Variants in LRP2 observed in about 807,000 individuals in gnomAD.
The protein encoded by LRP2 is LDL receptor related protein 2.
Under a neutral mutation model 531.0 loss-of-function variants are expected in LRP2, and 172 were observed. That is an observed-to-expected ratio of 0.32 (90% CI 0.29 to 0.37). LRP2 has a LOEUF of 0.37. LRP2 is among the 10% of genes least tolerant of loss of function. The pLI is 1.00. For missense variants in LRP2, 5,167 were observed against 5,868.3 expected (o/e 0.88, Z 3.90); for synonymous variants, 1,992 against 2,027.6 (o/e 0.98, Z 0.47).
intron 4 of LRP2, among the ~76,000 whole-genome samples, chr2:169,297,074 C>T (rs1684151316): frequency 6.6e-6 from 1 of 152,178 alleles, no homozygotes; most frequent in South Asian, 2.1e-4. Context: ...AGCTCCCTAA[C>T]TCCACCAAAT....
rs147477304 is a variant in LRP2 at position 169,185,813 on chromosome 2, C to A, written c.9535G>T (p.Ala3179Ser). The part of the protein sequence containing the change: ...NVIGSYICKC[A>S]PGYLREPDGK... ...TCTGGTTCTCGGAGGTAGCCTGGGG[C>A]ACACTTACAGATGTAGGAGCCTATT... is the stretch of plus-strand genomic sequence containing the variant. Residue 3179 changes from alanine to serine, a missense_variant, in exon 50 of 79, where the codon GCC (alanine) becomes TCC (serine). Ala to Ser is a moderately conservative substitution (Grantham distance 99). Around this residue, in one of 6 missense-constraint regions of LRP2, gnomAD observed 1,129 missense variants for 1,362.7 expected, o/e 0.83. Transcript: ENST00000649046. 2 of 1,613,628 alleles carry A rather than the reference C, an allele frequency of 1.2e-6. No individual in the cohort carries two copies. Among genetic ancestry groups the A allele is most frequent in the Non-Finnish European group, 1.7e-6 (2 of 1,179,882 alleles).
chr2:169,344,584 T>C (rs1463739201), intron 1 of LRP2, among the ~76,000 whole-genome samples: 6 of 152,214 alleles, frequency 3.9e-5, no homozygotes, highest in Admixed American at 2.6e-4. Context: ...AAATTCCCTC[T>C]AAATAGAGCA....
In LRP2 at chr2:169,361,388, CTCTCTCTG is replaced by C. The variant is rs1686156760; in HGVS notation, c.79+925_79+932del. Among the ~76,000 whole-genome samples the C allele has an allele frequency of 7.4e-4, 104 of 140,574 alleles. 1 individual carries two copies. Among genetic ancestry groups the C allele is most frequent in the South Asian group, 3.0e-3 (13 of 4,364 alleles). The allele number at this position is 140,574 out of a possible 152,430, so 92.2% of individuals were successfully genotyped here. A position where few individuals can be genotyped will look rare whatever the true frequency, so the allele number is the denominator to read the frequency against. ...TCTCTCTCTCTCTCCCTCTCTCTCT[CTCTCTCTG>C]TCTCTCTCCTCTCTCTCCTCTCTCT... is the stretch of plus-strand genomic sequence containing the variant. On this transcript the variant is annotated intron_variant, in intron 1 of 78. Coordinates refer to ENST00000649046, the MANE Select transcript of LRP2 (RefSeq NM_004525.3).
intron 16 of LRP2, among the ~76,000 whole-genome samples, chr2:169,268,665 T>C (rs1683305596): frequency 6.6e-6 from 1 of 152,192 alleles, no homozygotes; most frequent in Admixed American, 6.5e-5. Flanking sequence ...GGACAAAAAC[T>C]GGAAGCATTC....
chr2:169,271,419 C>T (rs987322603), intron 15 of LRP2, among the ~76,000 whole-genome samples: 1 of 151,710 alleles, frequency 6.6e-6, no homozygotes, highest in African/African-American at 2.4e-5. Flanking sequence ...AATGTAATGA[C>T]GAGTTAACGG....
In LRP2 at chr2:169,176,425, G is replaced by A. The variant is rs113268518; in HGVS notation, c.10557C>T (p.Cys3519=). The change falls in exon 54 of 79, where the codon TGC becomes TGT. Residue 3519 remains cysteine, a synonymous_variant. Coordinates refer to ENST00000649046, the MANE Select transcript of LRP2 (RefSeq NM_004525.3). ...GAGAGCCTTACTTTTCATTGTTAGC[G>A]CACAGGAACTGGGTGCTGGAGCACA... is the stretch of plus-strand genomic sequence containing the variant. ...MPMCSSTQFL[C]ANNEKCIPIW... 5.5e-5 allele frequency: 89 copies of A among 1,614,160 alleles called. No individual in the cohort carries two copies. In the Middle Eastern group the frequency reaches 1.3e-3, roughly 24 times the overall value.
At chr2:169,350,306 G>T (rs377419623) in intron 1 of LRP2, among the ~76,000 whole-genome samples, 4 of 152,190 alleles carry the variant, frequency 2.6e-5, no homozygotes, top group African/African-American at 9.7e-5. Flanking sequence ...CTATTGGCCA[G>T]CCAGGTGGAC....
At chr2:169,234,512 T>C (rs933442733) in intron 29 of LRP2, among the ~76,000 whole-genome samples, 8 of 152,264 alleles carry the variant, frequency 5.3e-5, no homozygotes, top group African/African-American at 1.9e-4. Context: ...GTCCATGATG[T>C]ATATGTCTAT....
intron 3 of LRP2, among the ~76,000 whole-genome samples, chr2:169,311,900 T>A (rs1251974377): frequency 6.6e-6 from 1 of 152,212 alleles, no homozygotes; most frequent in Non-Finnish European, 1.5e-5. Context: ...TGGGTGCATA[T>A]ATATTTAGGA....
At chr2:169,225,216 T>G (rs1403496387) in intron 33 of LRP2, 94 bp downstream of exon 33, 1 of 1,349,574 alleles carries the variant, frequency 7.4e-7, no homozygotes, top group Admixed American at 1.7e-5. Flanking sequence ...TGCTTAAAAA[T>G]GATTCCAAAA....
At chr2:169,348,290 G>A (rs2673172) in intron 1 of LRP2, among the ~76,000 whole-genome samples, 25 of 152,020 alleles carry the variant, frequency 1.6e-4, no homozygotes, top group Non-Finnish European at 3.2e-4. Flanking sequence ...TATTTGTTAC[G>A]TATGGAGTCC....
chr2:169,313,655 G>T (rs1439683789), intron 3 of LRP2, among the ~76,000 whole-genome samples: 2 of 152,174 alleles, frequency 1.3e-5, no homozygotes, highest in African/African-American at 2.4e-5. Context: ...CTACTCGGGG[G>T]TCAGGGACCC....
At position 169,181,599 on chromosome 2, in the gene LRP2, A is replaced by C. The variant is rs1687433771; in HGVS notation, c.10018T>G (p.Trp3340Gly). ...CTCCCAATGTATGCGCGGTGACCCCAGTCTGCCCAGTAGAGGTACCTGTCA... is the reference window on the plus strand; with the variant it reads ...CTCCCAATGTATGCGCGGTGACCCCCGTCTGCCCAGTAGAGGTACCTGTCA... ...PQYGYLYWAD[W>G]GHRAYIGRVG... The change falls in exon 52 of 79, where the codon TGG becomes GGG. Residue 3340 changes from tryptophan (W) to glycine (G), a missense_variant. This residue lies in a region of LRP2 where 1,129 missense variants were observed against 1,362.7 expected (regional missense o/e 0.83). Transcript: ENST00000649046. The C allele has an allele frequency of 3.1e-6, 5 of 1,614,108 alleles. No homozygotes were observed. The East Asian group carries it at 1.1e-4, about 36-fold the overall frequency.
At chr2:169,162,931 A>G (rs1686643955) in intron 62 of LRP2, among the ~76,000 whole-genome samples, 1 of 152,260 alleles carries the variant, frequency 6.6e-6, no homozygotes, top group South Asian at 2.1e-4. Context: ...GTTGGCCTTT[A>G]TGAGTGCTCA....
chr2:169,298,951 G>A (rs150515560), intron 4 of LRP2, among the ~76,000 whole-genome samples: 23 of 150,890 alleles, frequency 1.5e-4, no homozygotes, highest in African/African-American at 5.1e-4. Flanking sequence ...AATATACAAG[G>A]AAAAAAACAG....
chr2:169,354,314 T>A (rs1160317002), intron 1 of LRP2, among the ~76,000 whole-genome samples: 1 of 152,236 alleles, frequency 6.6e-6, no homozygotes, highest in African/African-American at 2.4e-5. Flanking sequence ...CATGTGTTAT[T>A]CGCTGATAGT....
intron 1 of LRP2, among the ~76,000 whole-genome samples, chr2:169,337,129 C>A (rs945988094): frequency 3.3e-5 from 5 of 152,154 alleles, no homozygotes; most frequent in East Asian, 3.9e-4. Context: ...TGGCTCACGA[C>A]CCTGACCCCA....
rs535155266 is a variant in LRP2, at chr2:169,163,724, A to C, written c.11759-1124T>G. ...TGACTGTTTGAGACTTGGAAAAAAA[A>C]ACAAAAAACAACTCCTGGGCTCCCG... On this transcript the variant is annotated intron_variant, in intron 62 of 78. Coordinates refer to ENST00000649046, the MANE Select transcript of LRP2 (RefSeq NM_004525.3). 3.9e-5 allele frequency among the ~76,000 whole-genome samples: 6 copies of C among 152,278 alleles called. No individual in the cohort carries two copies. The South Asian group carries it at 1.0e-3, about 26-fold the overall frequency.
chr2:169,174,054 T>C lies in LRP2; in HGVS notation c.10879A>G (p.Ser3627Gly), dbSNP rs769710197. 6.2e-7 allele frequency: 1 copy of C among 1,614,238 alleles called. No individual in the cohort carries two copies. The highest frequency in any genetic ancestry group is 8.5e-7 in the Non-Finnish European group (1 of 1,180,052). ...CAGGTCCTGCTGGCACAGTGGGAAC[T>C]GTCTTCATCTGAGTTATCCTCACAG... ...NDCEDNSDED[S>G]SHCASRTCRP... The change falls in exon 56 of 79, where the codon AGT becomes GGT. Residue 3627 changes from serine to glycine, a missense_variant. Around this residue, in one of 6 missense-constraint regions of LRP2, gnomAD observed 311 missense variants for 309.4 expected, o/e 1.01. Transcript: ENST00000649046.
Sources: allele counts gnomAD v4.1 joint callset (sites outside exome capture counted in the v4.1 genomes callset), GRCh38; gene constraint gnomAD v4.1.1; regional missense constraint gnomAD v4.1.1; transcripts MANE v1.5; gene names NCBI Gene and HGNC (gene_info 2026-07-23, HGNC 2026-07-21).